The following IL17REL variants were observed in gnomAD, a reference collection of about 807,000 sequenced individuals.
IL17REL encodes the protein interleukin-17 receptor E-like protein.
Under a neutral mutation model 49.0 loss-of-function variants are expected in IL17REL, and 36 were observed. The observed-to-expected ratio is 0.73, with a 90% CI of 0.56 to 0.97. IL17REL has a LOEUF of 0.97. Among genes scored for constraint, IL17REL ranks in the 50% least tolerant of loss-of-function variants. The probability of loss-of-function intolerance (pLI) is 0.00; values close to 1 mark genes in which losing one functional copy is unlikely to be tolerated. For synonymous variants in IL17REL, 206 were observed against 192.4 expected (o/e 1.07, Z -0.58); for missense variants, 470 against 453.9 (o/e 1.04, Z -0.32).
At chr22:49,999,098 G>GCGCACA (rs2061057666) in intron 7 of IL17REL, among the ~76,000 whole-genome samples, 193 bp downstream of exon 9, 1 of 151,410 alleles carries the variant, frequency 6.6e-6, no homozygotes, top group African/African-American at 2.4e-5. Flanking sequence ...CATGTACATT[G>GCGCACA]CACACACACA....
chr22:49,999,800 G>T, intron 5 of IL17REL, 28 bp downstream of exon 7: 1 of 1,477,286 alleles, frequency 6.8e-7, no homozygotes, highest in South Asian at 1.3e-5. Context: ...GCCTAAGGCT[G>T]ACCGGGGCCC....
exon 13 of IL17REL, chr22:49,996,125 T>C (rs1324684358): frequency 6.6e-6 from 1 of 152,276 alleles, no homozygotes; most frequent in Non-Finnish European, 1.5e-5. Flanking sequence ...GAAATGGCTG[T>C]GGCTCAGCTG....
chr22:49,992,230 C>T (rs1276102402), downstream of IL17REL, among the ~76,000 whole-genome samples: 2 of 152,174 alleles, frequency 1.3e-5, no homozygotes, highest in Non-Finnish European at 2.9e-5. Flanking sequence ...CTTTTATTCA[C>T]ACTTGCGTGC....
chr22:50,006,644 C>T (rs1043276445), intron 1 of IL17REL, among the ~76,000 whole-genome samples: 2 of 152,076 alleles, frequency 1.3e-5, no homozygotes, highest in African/African-American at 2.4e-5. Context: ...AATTAAAATA[C>T]AACGGGTGAT....
At chr22:50,005,146 TGAA>T (rs2061102380) in intron 1 of IL17REL, among the ~76,000 whole-genome samples, 1 of 151,762 alleles carries the variant, frequency 6.6e-6, no homozygotes, top group Non-Finnish European at 1.5e-5. Context: ...GCTGACAAAA[TGAA>T]GAGGAGGCTG....
At chr22:50,000,396 C>T in intron 4 of IL17REL, 82 bp downstream of exon 5, 2 of 1,051,440 alleles carry the variant, frequency 1.9e-6, no homozygotes, top group East Asian at 4.7e-5. Context: ...AGGGCCAGGC[C>T]CCTGCCCTGG....
At chr22:49,997,806 GCAGGGA>G in intron 9 of IL17REL, 64 bp from the exon 12 acceptor site, 1 of 1,533,692 alleles carries the variant, frequency 6.5e-7, no homozygotes, top group East Asian at 2.2e-5. Context: ...AGGGACAGGG[GCAGGGA>G]CAGGGACAGG....
At chr22:49,995,178 T>G (rs2061027711) in exon 13 of IL17REL, 1 of 152,188 alleles carries the variant, frequency 6.6e-6, no homozygotes, top group African/African-American at 2.4e-5. Flanking sequence ...ACAGGAAGGG[T>G]GGGGTTGCAC....
At chr22:49,999,601 AGGTG>A (rs1229777350) in intron 5 of IL17REL, 99 bp from the exon 8 acceptor site, 1 of 446,648 alleles carries the variant, frequency 2.2e-6, no homozygotes, top group African/African-American at 2.9e-5. Context: ...CGGGGACGGG[AGGTG>A]GGTGGGGCCT....
At chr22:50,008,423 A>G (rs943315178) in intron 1 of IL17REL, among the ~76,000 whole-genome samples, 2 of 152,116 alleles carry the variant, frequency 1.3e-5, no homozygotes, top group African/African-American at 4.8e-5. Context: ...TGGCAGGCCC[A>G]CCTCTGGCCA....
Position 49,997,306 on chromosome 22 carries a change from C to T in IL17REL, c.974+14G>A. On this transcript the variant is annotated intron_variant, in intron 11 of 12. Transcript: ENST00000341280. ...CCCACCTCCCCAGGATGGAGCCCCA[C>T]TCTCTCGGCTCACTGAGGCTGAAGG... The T allele has an allele frequency of 1.2e-6, 2 of 1,610,754 alleles. No individual in the cohort carries two copies. The highest frequency in any genetic ancestry group is 8.5e-7 in the Non-Finnish European group (1 of 1,177,918).
intron 4 of IL17REL, 96 bp from the exon 6 acceptor site, chr22:50,000,336 C>T: frequency 1.4e-6 from 1 of 694,856 alleles, no homozygotes; most frequent in Non-Finnish European, 2.5e-6. Context: ...GTGCCTCTGT[C>T]ATGCGACCTC....
chr22:49,997,187 C>T (rs1219146541), intron 11 of IL17REL, 113 bp from the exon 14 acceptor site: 8 of 1,387,598 alleles, frequency 5.8e-6, no homozygotes, highest in Non-Finnish European at 8.0e-6. Context: ...CCTCCCATCC[C>T]TCCCTGCCAG....
In IL17REL at chr22:49,999,982, A is replaced by G; in HGVS notation, c.335-15T>C. ...GAGCTTCCCCGCTGCAGGAGGCGGC[A>G]AGTCGGGGCCGCGCTGGGACCAGCG... On this transcript the variant is annotated splice_polypyrimidine_tract_variant and intron_variant, in intron 4 of 12. Transcript: ENST00000341280. 6.7e-7 allele frequency: 1 copy of G among 1,494,824 alleles called. No individual in the cohort carries two copies. The highest frequency in any genetic ancestry group is 1.3e-5 in the South Asian group (1 of 78,462). The allele number at this position is 1,494,824 out of a possible 1,614,324, so 92.6% of individuals were successfully genotyped here. A position where few individuals can be genotyped will look rare whatever the true frequency, so the allele number is the denominator to read the frequency against.
Position 49,997,512 on chromosome 22 carries a change from T to G in IL17REL, c.878-96A>C. 2.2e-6 allele frequency: 3 copies of G among 1,391,222 alleles called. No individual in the cohort carries two copies. In the Admixed American group the frequency reaches 5.7e-5, roughly 27 times the overall value. 86.2% of individuals were successfully genotyped at this position (1,391,222 alleles called of 1,614,324 possible). A position where few individuals can be genotyped will look rare whatever the true frequency, so the allele number is the denominator to read the frequency against. On this transcript the variant is annotated intron_variant, in intron 10 of 12. Transcript: ENST00000341280. ...TGGGGAGTGAAGGGTGAGACCCCCA[T>G]CCGGCCCAGCACCCCACCGCCTCCC... is the stretch of plus-strand genomic sequence containing the variant.
chr22:49,994,553 G>T (rs1054761567), exon 13 of IL17REL: 1 of 152,380 alleles, frequency 6.6e-6, no homozygotes, highest in African/African-American at 2.4e-5. Context: ...TTACTGAGTG[G>T]CGGGGACTTA....
At chr22:49,999,829 C>A (rs1454473833) in exon 5 of IL17REL, 4 of 1,509,464 alleles carry the variant, frequency 2.6e-6, no homozygotes, top group South Asian at 1.3e-5. Flanking sequence ...GGCGCTCACT[C>A]GCACAGGGGC....
upstream of IL17REL, among the ~76,000 whole-genome samples, chr22:50,012,324 C>T (rs2061145900): frequency 6.6e-6 from 1 of 152,194 alleles, no homozygotes; most frequent in African/African-American, 2.4e-5. Flanking sequence ...CCGAGGTGGG[C>T]TCACCCTGCC....
upstream of IL17REL, among the ~76,000 whole-genome samples, chr22:50,011,339 G>T (rs935360477): frequency 2.0e-5 from 3 of 150,652 alleles, no homozygotes; most frequent in African/African-American, 7.3e-5. Context: ...GTTCAATCTT[G>T]GTCCCCACCC....
Sources: gnomAD v4.1 joint callset for allele counts (sites outside exome capture counted in the v4.1 genomes callset) on GRCh38, gnomAD v4.1.1 for gene constraint, MANE v1.5 for transcripts, NCBI Gene and HGNC (gene_info 2026-07-23, HGNC 2026-07-21) for gene names.